Variants in PAH observed in about 807,000 individuals in gnomAD.
PAH encodes phenylalanine hydroxylase, also known as phenylalanine-4-hydroxylase.
A neutral mutation model predicts 62.0 loss-of-function variants in PAH; 64 were observed. The ratio of observed to expected loss-of-function variants is 1.03; its 90% CI spans 0.84 to 1.27. The LOEUF (loss-of-function observed/expected upper bound fraction) is 1.27. Ranked by LOEUF, PAH falls within the 50% of genes most tolerant of loss-of-function variation. The pLI is 0.00. For missense variants in PAH, 579 were observed against 542.8 expected (o/e 1.07, Z -0.66); for synonymous variants, 195 against 196.2 (o/e 0.99, Z 0.05).
At chr12:102,871,941 AAAAAAAAAATATATATATATATAT>A (rs1212270932) in intron 4 of PAH, among the ~76,000 whole-genome samples, 79 of 6,512 alleles carry the variant, frequency 0.012, no homozygotes, top group Admixed American at 0.04. Context: ...AAAAAAAAAA[AAAAAAAAAATATATATATATATAT>A]ATATATATAT....
Position 102,839,195 on chromosome 12 carries a change from C to T in PAH, c.1339G>A (p.Ala447Thr), listed in dbSNP as rs1192400891. 1 of 1,613,880 alleles carries T rather than the reference C, an allele frequency of 6.2e-7. No individual in the cohort carries two copies. Among genetic ancestry groups the T allele is most frequent in the Non-Finnish European group, 8.5e-7 (1 of 1,179,836 alleles). ...TGGCTTTACTTTATTTTCTGGAGGG[C>T]ACTGCAAAGGATTCCAATTTCACCT... ...INSEIGILCS[A>T]LQKIK Residue 447 changes from alanine to threonine, a missense_variant, in exon 13 of 13, where the codon GCC becomes ACC. By Grantham distance (58) the Ala-to-Thr change is moderately conservative. Transcript: ENST00000553106.
chr12:102,883,650 G>A (rs11111414), intron 3 of PAH, among the ~76,000 whole-genome samples: 8,448 of 152,228 alleles, frequency 0.055, 827 homozygotes, highest in African/African-American at 0.19. Context: ...GCACCTTGTC[G>A]CAGAGGCTGT....
intron 1 of PAH, among the ~76,000 whole-genome samples, chr12:102,945,659 G>T (rs1879466909): frequency 6.6e-6 from 1 of 152,134 alleles, no homozygotes; most frequent in South Asian, 2.1e-4. Context: ...GCAGCTTGTT[G>T]TGAATGCTGC....
At chr12:102,916,868 G>C (rs983944118) in intron 1 of PAH, among the ~76,000 whole-genome samples, 1 of 151,692 alleles carries the variant, frequency 6.6e-6, no homozygotes, top group African/African-American at 2.4e-5. Flanking sequence ...TCCTGTGAAA[G>C]CCACCGAGGA....
At chr12:102,899,127 A>G (rs1877630200) in intron 2 of PAH, among the ~76,000 whole-genome samples, 1 of 152,216 alleles carries the variant, frequency 6.6e-6, no homozygotes, top group Non-Finnish European at 1.5e-5. Context: ...TGGCTCAGGA[A>G]TAAAGAGAAT....
intron 1 of PAH, among the ~76,000 whole-genome samples, chr12:102,930,162 A>T (rs1301469601): frequency 6.6e-6 from 1 of 152,202 alleles, no homozygotes; most frequent in East Asian, 1.9e-4. Flanking sequence ...TCAAAGTCAC[A>T]CAGGCTATCT....
intron 1 of PAH, among the ~76,000 whole-genome samples, chr12:102,936,524 T>C (rs73393602): frequency 0.032 from 4,910 of 152,290 alleles, 278 homozygotes; most frequent in African/African-American, 0.11. Flanking sequence ...CCTCTTTCTT[T>C]AGCTCTAATA....
At chr12:102,894,640 C>T in intron 3 of PAH, 95 bp downstream of exon 3, 3 of 910,528 alleles carry the variant, frequency 3.3e-6, no homozygotes. Flanking sequence ...ATTAAATATA[C>T]ATATATTTAA....
intron 1 of PAH, among the ~76,000 whole-genome samples, chr12:102,922,932 T>G (rs1354049148): frequency 6.6e-6 from 1 of 152,226 alleles, no homozygotes; most frequent in Non-Finnish European, 1.5e-5. Context: ...AATTGGACTG[T>G]CTCCGTTAAA....
Position 102,908,839 on chromosome 12 carries a change from T to C in PAH, c.168+3952A>G, listed in dbSNP as rs887183626. On this transcript the variant is annotated intron_variant, in intron 2 of 12. Coordinates refer to ENST00000553106, the MANE Select transcript of PAH (RefSeq NM_000277.3). ...CGTTACATTTAGTCCTCATGTCTCT[T>C]TTTTTTTTTTTTTTTTTTTGAGACA... is the stretch of plus-strand genomic sequence containing the variant. 4.4e-5 allele frequency among the ~76,000 whole-genome samples: 6 copies of C among 137,438 alleles called. No individual in the cohort carries two copies. In the South Asian group the frequency reaches 6.8e-4, roughly 15 times the overall value. The allele number at this position is 137,438 out of a possible 152,430, so 90.2% of individuals were successfully genotyped here.
chr12:102,902,348 ACT>A (rs1200107717), intron 2 of PAH, among the ~76,000 whole-genome samples: 3 of 152,280 alleles, frequency 2.0e-5, no homozygotes, highest in Admixed American at 2.0e-4. Context: ...TTTGGTTTTC[ACT>A]CTGAGTGATA....
Position 102,843,645 on chromosome 12 carries a change from C to G in PAH, c.1199+1G>C, listed in dbSNP as rs62509015. 3.7e-6 allele frequency: 6 copies of G among 1,613,600 alleles called. No individual in the cohort carries two copies. The South Asian group carries it at 5.5e-5, about 15-fold the overall frequency. On this transcript the variant is annotated splice_donor_variant, in intron 11 of 12. Coordinates refer to ENST00000553106, the MANE Select transcript of PAH (RefSeq NM_000277.3). LOFTEE classifies it high-confidence loss of function. Reference sequence around the variant, plus strand: ...GTGGCTCACCTTTGTCACCACCTCACCTTACTTTCTCCTTGGCATCATTAA... The same window carrying G: ...GTGGCTCACCTTTGTCACCACCTCAGCTTACTTTCTCCTTGGCATCATTAA...
chr12:102,894,316 A>T (rs1372689395), intron 3 of PAH, among the ~76,000 whole-genome samples: 1 of 152,070 alleles, frequency 6.6e-6, no homozygotes, highest in Non-Finnish European at 1.5e-5. Context: ...TTCCCATGAC[A>T]CACAATTTAC....
At chr12:102,909,441 C>A (rs1878117418) in intron 2 of PAH, among the ~76,000 whole-genome samples, 1 of 151,788 alleles carries the variant, frequency 6.6e-6, no homozygotes, top group South Asian at 2.1e-4. Context: ...TATTCAGTTT[C>A]TTTTTGAATA....
At chr12:102,942,918 A>G (rs972498405) in intron 1 of PAH, among the ~76,000 whole-genome samples, 2 of 152,254 alleles carry the variant, frequency 1.3e-5, no homozygotes, top group Middle Eastern at 3.4e-3. Context: ...AGTCAACTCA[A>G]GATGATTAAA....
intron 5 of PAH, among the ~76,000 whole-genome samples, chr12:102,861,594 G>A (rs1355040308): frequency 3.9e-5 from 6 of 152,108 alleles, no homozygotes; most frequent in Non-Finnish European, 5.9e-5. Context: ...ATGTCCATCA[G>A]TGATAGACTG....
At position 102,855,350 on chromosome 12, in the gene PAH, A is replaced by C. The variant is rs763552459; in HGVS notation, c.510-18T>G. On this transcript the variant is annotated intron_variant, in intron 5 of 12. Coordinates refer to ENST00000553106, the MANE Select transcript of PAH (RefSeq NM_000277.3). ...GCTGCCCACTAGAATACAGGCACAA[A>C]ATAGGTGTCTCAAGCAGGGCAGGGG... is the stretch of plus-strand genomic sequence containing the variant. 3 of 1,611,114 alleles carry C rather than the reference A, an allele frequency of 1.9e-6. No homozygotes were observed. In the African/African-American group the frequency reaches 4.1e-5, roughly 22 times the overall value.
intron 5 of PAH, among the ~76,000 whole-genome samples, chr12:102,861,969 A>T (rs868283162): frequency 1.1e-3 from 153 of 141,728 alleles, no homozygotes; most frequent in African/African-American, 4.0e-3. Flanking sequence ...TAAAGTATAA[A>T]AAAAAAAAAA....
intron 4 of PAH, among the ~76,000 whole-genome samples, chr12:102,868,435 A>G (rs1477124671): frequency 1.3e-5 from 2 of 150,622 alleles, no homozygotes; most frequent in Non-Finnish European, 3.0e-5. Context: ...ACTACTACAC[A>G]TTTTTTTTTA....
Sources: allele counts gnomAD v4.1 joint callset (sites outside exome capture counted in the v4.1 genomes callset), GRCh38; gene constraint gnomAD v4.1.1; transcripts MANE v1.5; gene names NCBI Gene and HGNC (gene_info 2026-07-23, HGNC 2026-07-21).